The following ULK4 variants were observed in gnomAD, a reference collection of about 807,000 sequenced individuals.
ULK4 encodes the protein unc-51 like kinase 4.
A neutral mutation model predicts 160.6 loss-of-function variants in ULK4; 133 were observed. The ratio of observed to expected loss-of-function variants is 0.83; its 90% confidence interval spans 0.72 to 0.96. The LOEUF (loss-of-function observed/expected upper bound fraction) is 0.96, where lower values mean the gene tolerates loss of function less well. Among genes scored for constraint, ULK4 ranks in the 40% least tolerant of loss-of-function variants. ULK4 has a pLI of 0.00. For synonymous variants in ULK4, 534 were observed against 539.8 expected, an observed-to-expected ratio of 0.99 and a Z score of 0.15; for missense variants, 1,580 against 1,499.5, an observed-to-expected ratio of 1.05 and a Z score of -0.89.
chr3:41,306,819 G>A (rs374761393), intron 35 of ULK4, among the ~76,000 whole-genome samples: 2 of 151,820 alleles, frequency 1.3e-5, no homozygotes, highest in Admixed American at 1.3e-4. Context: ...TTCTTCTGCC[G>A]TGGGATCCTG....
At chr3:41,892,809 T>C (rs140335786) in intron 16 of ULK4, among the ~76,000 whole-genome samples, 1 of 152,330 alleles carries the variant, frequency 6.6e-6, no homozygotes, top group East Asian at 1.9e-4. Flanking sequence ...CCTAACCAAC[T>C]ACCTGCTTCC....
intron 35 of ULK4, among the ~76,000 whole-genome samples, chr3:41,310,730 C>T (rs1026088433): frequency 2.0e-5 from 3 of 151,774 alleles, no homozygotes; most frequent in Non-Finnish European, 2.9e-5. Flanking sequence ...CAGTGGCTCA[C>T]GCCTGTAATC....
chr3:41,328,646 T>C (rs2080382609), intron 35 of ULK4, among the ~76,000 whole-genome samples: 1 of 152,166 alleles, frequency 6.6e-6, no homozygotes. Context: ...AAATCCAATA[T>C]AAACTCTTGA....
At chr3:41,489,997 T>C (rs2084690913) in intron 32 of ULK4, among the ~76,000 whole-genome samples, 1 of 152,162 alleles carries the variant, frequency 6.6e-6, no homozygotes, top group African/African-American at 2.4e-5. Flanking sequence ...ACTTTTTCTG[T>C]CCCTATGATT....
Position 41,520,987 on chromosome 3 carries a change from A to T in ULK4, c.3226+45038T>A, listed in dbSNP as rs140973429. ...TCCTTATCAGATATGTGATTTGCAA[A>T]TATTTCTTCTAGCTAGGATTATTAA... On this transcript the variant is annotated intron_variant, in intron 32 of 36. Coordinates refer to ENST00000301831, the MANE Select transcript of ULK4 (RefSeq NM_017886.4). 1.8e-3 allele frequency among the ~76,000 whole-genome samples: 273 copies of T among 152,248 alleles called. 3 individuals carry two copies. The highest frequency in any genetic ancestry group is 3.1e-3 in the Non-Finnish European group (212 of 68,016).
In ULK4 at chr3:41,455,527, C is replaced by G. The variant is rs762088192; in HGVS notation, c.3462G>C (p.Leu1154=). ...GAATGAGCAGGCTAATCAGGTCTGT[C>G]AGAGGTCTGTTGAGCAGCAGCAGGT... ...AEDLLLLNRP[L]TDLISLLIPL... Residue 1154 remains leucine, a synonymous_variant, in exon 34 of 37, where the codon CTG becomes CTC. Transcript: ENST00000301831. 1.9e-6 allele frequency: 3 copies of G among 1,614,024 alleles called. No individual in the cohort carries two copies. In the Admixed American group the frequency reaches 5.0e-5, roughly 27 times the overall value.
intron 35 of ULK4, among the ~76,000 whole-genome samples, chr3:41,384,812 T>C (rs1450280022): frequency 2.6e-5 from 4 of 152,170 alleles, no homozygotes; most frequent in Non-Finnish European, 5.9e-5. Flanking sequence ...CTGGAACCCC[T>C]GACCTCAGGT....
At chr3:41,804,380 T>C (rs1454129093) in intron 19 of ULK4, among the ~76,000 whole-genome samples, 1 of 152,190 alleles carries the variant, frequency 6.6e-6, no homozygotes, top group Non-Finnish European at 1.5e-5. Context: ...TTCTGGATAT[T>C]AGCCCTTTGT....
chr3:41,534,194 T>TA (rs2086414135), intron 32 of ULK4, among the ~76,000 whole-genome samples: 1 of 152,210 alleles, frequency 6.6e-6, no homozygotes, highest in African/African-American at 2.4e-5. Context: ...AACAGTTTAA[T>TA]AAAAAACCTA....
rs576914751 is a variant in ULK4, at chr3:41,345,548, C to G, written c.3678+52531G>C. On this transcript the variant is annotated intron_variant, in intron 35 of 36. Transcript: ENST00000301831. ...AAGAGAAAACTAAACACTGCATGTT[C>G]TCACTTGTAAGTGGGAGCTGAATGA... 1.9e-4 allele frequency among the ~76,000 whole-genome samples: 29 copies of G among 152,300 alleles called. 1 individual carries two copies. The highest frequency in any genetic ancestry group is 6.5e-4 in the African/African-American group (27 of 41,570).
Position 41,896,968 on chromosome 3 carries a change from T to C in ULK4, c.1384A>G (p.Asn462Asp), listed in dbSNP as rs1164361341. 6.2e-7 allele frequency: 1 copy of C among 1,613,048 alleles called. No individual in the cohort carries two copies. Among genetic ancestry groups the C allele is most frequent in the Middle Eastern group, 1.7e-4 (1 of 6,056 alleles). The change falls in exon 15 of 37, where the codon AAT becomes GAT. Residue 462 changes from asparagine (N) to aspartate (D), a missense_variant. Coordinates refer to ENST00000301831, the MANE Select transcript of ULK4 (RefSeq NM_017886.4). ...KLLFLKDQDWNDFLQQVCSQI... is the reference protein window; with the variant it reads ...KLLFLKDQDWDDFLQQVCSQI... ...GAGCACACTTGTTGCAAAAAGTCAT[T>C]CCAATCTTGATCTTTCAGAAATAAT...
chr3:41,546,927 T>C (rs1795331), intron 32 of ULK4, among the ~76,000 whole-genome samples: 68,208 of 151,876 alleles, frequency 0.45, 15,993 homozygotes, highest in Middle Eastern at 0.54. Flanking sequence ...CTATCATTTG[T>C]ATTGCTTGCC....
At chr3:41,480,078 G>A (rs1410954258) in intron 32 of ULK4, among the ~76,000 whole-genome samples, 1 of 151,844 alleles carries the variant, frequency 6.6e-6, no homozygotes, top group Non-Finnish European at 1.5e-5. Context: ...GTGGTGGCGG[G>A]CGCCTGTAGT....
chr3:41,754,101 T>C (rs2038716337), intron 22 of ULK4, among the ~76,000 whole-genome samples: 1 of 152,130 alleles, frequency 6.6e-6, no homozygotes, highest in Non-Finnish European at 1.5e-5. Context: ...GGGATTATAA[T>C]TCAAGGTGAG....
chr3:41,931,663 C>T (rs1304457491), intron 5 of ULK4, 181 bp downstream of exon 5: 5 of 690,484 alleles, frequency 7.2e-6, no homozygotes, highest in African/African-American at 1.8e-5. Context: ...AGTAGATCCA[C>T]ATTGAATACT....
chr3:41,328,777 GC>G lies in ULK4; in HGVS notation c.3678+69301del, dbSNP rs559023504. ...AGGGTGAGGCTGGCTCTGGGATTTA[GC>G]CAAGGAGAGAAAGCCCCACGGAGTG... On this transcript the variant is annotated intron_variant, in intron 35 of 36. Coordinates refer to ENST00000301831, the MANE Select transcript of ULK4 (RefSeq NM_017886.4). Among the ~76,000 whole-genome samples the G allele has an allele frequency of 3.0e-3, 462 of 152,240 alleles. 1 individual carries two copies. Among genetic ancestry groups the G allele is most frequent in the Non-Finnish European group, 5.0e-3 (338 of 68,018 alleles).
intron 35 of ULK4, among the ~76,000 whole-genome samples, chr3:41,279,577 C>T (rs993822212): frequency 0.081 from 25 of 308 alleles, no homozygotes; most frequent in African/African-American, 0.24. Flanking sequence ...CGGGTTACCC[C>T]CAAAGGAAGC....
At chr3:41,420,066 C>T (rs1386140714) in intron 34 of ULK4, among the ~76,000 whole-genome samples, 4 of 151,620 alleles carry the variant, frequency 2.6e-5, no homozygotes, top group Non-Finnish European at 5.9e-5. Flanking sequence ...TTTTGAGTTC[C>T]TCTTTTTTTC....
chr3:41,633,288 G>A (rs969416011), intron 30 of ULK4, among the ~76,000 whole-genome samples: 1 of 152,136 alleles, frequency 6.6e-6, no homozygotes, highest in South Asian at 2.1e-4. Flanking sequence ...TTCAATGGTT[G>A]AATCAATCAA....
Sources: gnomAD v4.1 joint callset for allele counts (sites outside exome capture counted in the v4.1 genomes callset) on GRCh38, gnomAD v4.1.1 for gene constraint, MANE v1.5 for transcripts, NCBI Gene and HGNC (gene_info 2026-07-23, HGNC 2026-07-21) for gene names.